The following BBX variants were observed in gnomAD, a reference collection of about 807,000 sequenced individuals.
The protein encoded by BBX is HMG box transcription factor BBX.
BBX carries 30 observed loss-of-function variants against 100.2 expected under a neutral mutation model. The ratio of observed to expected loss-of-function variants is 0.30; its 90% confidence interval spans 0.22 to 0.41. The LOEUF (loss-of-function observed/expected upper bound fraction) is 0.41, where lower values mean the gene tolerates loss of function less well. BBX is among the 10% of genes least tolerant of loss of function. The pLI, the probability that BBX is intolerant of heterozygous loss-of-function variation, is 1.00. For missense variants in BBX, 1,023 were observed against 1,129.8 expected (o/e 0.91, Z 1.35); for synonymous variants, 376 against 388.1 (o/e 0.97, Z 0.37).
intron 11 of BBX, among the ~76,000 whole-genome samples, chr3:107,774,331 G>A (rs1255318563): frequency 6.6e-6 from 1 of 152,120 alleles, no homozygotes; most frequent in Non-Finnish European, 1.5e-5. Flanking sequence ...AGCCCCAAAT[G>A]AAGATACTTG....
At chr3:107,556,585 AT>A (rs1010963319) in intron 2 of BBX, among the ~76,000 whole-genome samples, 88 of 152,110 alleles carry the variant, frequency 5.8e-4, no homozygotes, top group African/African-American at 2.1e-3. Context: ...TCTGGTATTT[AT>A]TTTTTATGAA....
intron 8 of BBX, among the ~76,000 whole-genome samples, chr3:107,745,528 C>T (rs913877789): frequency 6.6e-6 from 1 of 152,090 alleles, no homozygotes; most frequent in East Asian, 1.9e-4. Flanking sequence ...GCAGCATGAT[C>T]ATAGCTCATT....
At chr3:107,729,912 A>G (rs2063201798) in intron 6 of BBX, among the ~76,000 whole-genome samples, 2 of 152,240 alleles carry the variant, frequency 1.3e-5, no homozygotes, top group South Asian at 4.1e-4. Context: ...AGTATTCTAT[A>G]TAATCTACAA....
chr3:107,720,656 T>G (rs1242722612), intron 5 of BBX, among the ~76,000 whole-genome samples: 1 of 152,050 alleles, frequency 6.6e-6, no homozygotes, highest in African/African-American at 2.4e-5. Flanking sequence ...GAATTAAATG[T>G]AATAAAATGC....
chr3:107,694,846 G>A (rs1222564308), intron 3 of BBX, among the ~76,000 whole-genome samples: 3 of 151,734 alleles, frequency 2.0e-5, no homozygotes, highest in East Asian at 1.9e-4. Flanking sequence ...TGGTTGGTAA[G>A]CTATTGATTA....
At chr3:107,614,633 T>C (rs2055114779) in intron 2 of BBX, among the ~76,000 whole-genome samples, 1 of 152,250 alleles carries the variant, frequency 6.6e-6, no homozygotes, top group South Asian at 2.1e-4. Context: ...CATGTCCTCC[T>C]ATATTCTTGA....
rs531492149 is a variant in BBX at position 107,712,635 on chromosome 3, C to T, written c.162+2013C>T. On this transcript the variant is annotated intron_variant, in intron 4 of 17. Coordinates refer to ENST00000325805, the MANE Select transcript of BBX (RefSeq NM_001142568.3). ...CCTGTACCACCTTGATCCAAGCCAC[C>T]ACCATTTCTAGCAGAGATTATTGTA... 6.0e-4 allele frequency among the ~76,000 whole-genome samples: 92 copies of T among 152,312 alleles called. 1 individual carries two copies. The highest frequency in any genetic ancestry group is 1.0e-3 in the South Asian group (5 of 4,826).
At chr3:107,613,961 T>G (rs1321729501) in intron 2 of BBX, among the ~76,000 whole-genome samples, 1 of 130,850 alleles carries the variant, frequency 7.6e-6, no homozygotes, top group Non-Finnish European at 1.6e-5. Flanking sequence ...TTTTTTTTTT[T>G]TTTTTTTTTG....
At chr3:107,738,467 C>CG (rs1249213389) in intron 7 of BBX, among the ~76,000 whole-genome samples, 1 of 152,128 alleles carries the variant, frequency 6.6e-6, no homozygotes, top group Non-Finnish European at 1.5e-5. Flanking sequence ...TTCCGTAAGA[C>CG]TAACTCTTAA....
rs186273250 is a variant in BBX at position 107,755,478 on chromosome 3, T to A, written c.826-120T>A. 3.8e-5 allele frequency: 29 copies of A among 757,384 alleles called. No homozygotes were observed. In the African/African-American group the frequency reaches 4.3e-4, roughly 11 times the overall value. 46.9% of individuals were successfully genotyped at this position (757,384 alleles called of 1,614,324 possible). On this transcript the variant is annotated intron_variant, in intron 9 of 17. Transcript: ENST00000325805. ...TCCCAAATGTGACATGTTTTGTTAC[T>A]TGGTACATGGGAGCAATGATACTCT...
At chr3:107,609,899 C>G (rs1472215078) in intron 2 of BBX, among the ~76,000 whole-genome samples, 2 of 151,530 alleles carry the variant, frequency 1.3e-5, no homozygotes, top group Non-Finnish European at 3.0e-5. Context: ...TTATTTCTTT[C>G]CTTCTACTTT....
At chr3:107,594,300 C>G (rs1314728754) in intron 2 of BBX, among the ~76,000 whole-genome samples, 1 of 152,154 alleles carries the variant, frequency 6.6e-6, no homozygotes, top group African/African-American at 2.4e-5. Context: ...GCACATTATT[C>G]TCTTCCGGGG....
chr3:107,658,406 G>A (rs981133635), intron 3 of BBX, among the ~76,000 whole-genome samples: 1 of 152,018 alleles, frequency 6.6e-6, no homozygotes, highest in East Asian at 1.9e-4. Flanking sequence ...TTACTCATAA[G>A]TCTTATATTT....
intron 3 of BBX, among the ~76,000 whole-genome samples, chr3:107,691,879 A>T (rs371171501): frequency 6.6e-6 from 1 of 152,210 alleles, no homozygotes; most frequent in East Asian, 1.9e-4. Context: ...ACTTCGCTAA[A>T]CACTATACTA....
chr3:107,526,655 A>G (rs1437739669), intron 2 of BBX: 3 of 282,844 alleles, frequency 1.1e-5, no homozygotes, highest in East Asian at 6.0e-5. Context: ...ATTCTCAAAT[A>G]GACATTTTAA....
chr3:107,795,140 C>T (rs2069484147), intron 15 of BBX, among the ~76,000 whole-genome samples: 1 of 152,142 alleles, frequency 6.6e-6, no homozygotes, highest in Admixed American at 6.5e-5. Flanking sequence ...TGCGGGTTGT[C>T]GGGAGGAACT....
At chr3:107,770,186 A>G (rs1349608250) in intron 10 of BBX, among the ~76,000 whole-genome samples, 1 of 152,180 alleles carries the variant, frequency 6.6e-6, no homozygotes, top group Non-Finnish European at 1.5e-5. Context: ...TGATGAGAGA[A>G]TCATTTTGAA....
At chr3:107,549,370 A>G (rs528357468) in intron 2 of BBX, among the ~76,000 whole-genome samples, 9 of 152,132 alleles carry the variant, frequency 5.9e-5, no homozygotes, top group Non-Finnish European at 1.2e-4. Flanking sequence ...GCTATATGTT[A>G]TAGGAAAAAT....
At chr3:107,770,597 C>A (rs2066826215) in intron 10 of BBX, among the ~76,000 whole-genome samples, 1 of 152,134 alleles carries the variant, frequency 6.6e-6, no homozygotes, top group African/African-American at 2.4e-5. Context: ...GAGCTTATTT[C>A]TGGTTATGTT....
Sources: gnomAD v4.1 joint callset for allele counts (sites outside exome capture counted in the v4.1 genomes callset) on GRCh38, gnomAD v4.1.1 for gene constraint, MANE v1.5 for transcripts, NCBI Gene and HGNC (gene_info 2026-07-23, HGNC 2026-07-21) for gene names.